Variants in ADAMTS17 observed in about 807,000 individuals in gnomAD.
ADAMTS17 encodes ADAM metallopeptidase with thrombospondin type 1 motif 17, also known as A disintegrin and metalloproteinase with thrombospondin motifs 17.
Under a neutral mutation model 141.5 loss-of-function variants are expected in ADAMTS17, and 113 were observed. The observed-to-expected ratio is 0.80, with a 90% confidence interval of 0.69 to 0.93. The LOEUF (loss-of-function observed/expected upper bound fraction) is 0.93. Among genes scored for constraint, ADAMTS17 ranks in the 40% least tolerant of loss-of-function variants. The pLI is 0.00. For missense variants in ADAMTS17, 1,659 were observed against 1,517.9 expected, an observed-to-expected ratio of 1.09 and a Z score of -1.54; for synonymous variants, 768 against 630.6, an observed-to-expected ratio of 1.22 and a Z score of -3.27.
chr15:100,319,581 C>T (rs993596966), intron 3 of ADAMTS17, among the ~76,000 whole-genome samples: 6 of 152,026 alleles, frequency 3.9e-5, no homozygotes, highest in African/African-American at 7.2e-5. Context: ...CATGGTGGCA[C>T]GCACCTGTAG....
chr15:100,205,815 G>A (rs151012290), intron 7 of ADAMTS17, among the ~76,000 whole-genome samples: 2 of 152,312 alleles, frequency 1.3e-5, no homozygotes, highest in Admixed American at 1.3e-4. Context: ...AGAGACAAAG[G>A]CGGTAGAAAG....
At chr15:100,309,869 T>C (rs1418527326) in intron 3 of ADAMTS17, among the ~76,000 whole-genome samples, 1 of 152,088 alleles carries the variant, frequency 6.6e-6, no homozygotes, top group East Asian at 1.9e-4. Flanking sequence ...CCAACGCCTG[T>C]ACACACGTGA....
chr15:100,128,628 G>T (rs1212435789), intron 12 of ADAMTS17: 1 of 152,202 alleles, frequency 6.6e-6, no homozygotes, highest in Non-Finnish European at 1.5e-5. Flanking sequence ...GAAGAAGAGT[G>T]AAAGATTTTC....
chr15:100,071,706 C>A (rs2033983965), intron 15 of ADAMTS17, among the ~76,000 whole-genome samples: 1 of 150,400 alleles, frequency 6.6e-6, no homozygotes, highest in South Asian at 2.1e-4. Context: ...CAAAATTCAA[C>A]AACTCTTCAT....
At chr15:100,085,339 T>C (rs1330044711) in intron 15 of ADAMTS17, among the ~76,000 whole-genome samples, 2 of 145,370 alleles carry the variant, frequency 1.4e-5, no homozygotes, top group Non-Finnish European at 3.0e-5. Flanking sequence ...AATATGGGAC[T>C]ATGTGAAAAG....
At chr15:100,234,333 T>C (rs1249989829) in intron 7 of ADAMTS17, among the ~76,000 whole-genome samples, 2 of 152,180 alleles carry the variant, frequency 1.3e-5, no homozygotes, top group Non-Finnish European at 2.9e-5. Context: ...TTTACGTTCG[T>C]TCCACATTTG....
intron 8 of ADAMTS17, among the ~76,000 whole-genome samples, chr15:100,198,119 C>G (rs1002236848): frequency 6.6e-6 from 1 of 152,066 alleles, no homozygotes; most frequent in Non-Finnish European, 1.5e-5. Context: ...ACGTATATAC[C>G]TATGTAACAA....
chr15:100,208,891 C>T (rs2041682662), intron 7 of ADAMTS17, among the ~76,000 whole-genome samples: 1 of 152,108 alleles, frequency 6.6e-6, no homozygotes, highest in South Asian at 2.1e-4. Context: ...TCAAAGTCTG[C>T]TTTCACCTGC....
chr15:100,181,100 C>T (rs2040508759), intron 8 of ADAMTS17, among the ~76,000 whole-genome samples: 1 of 152,206 alleles, frequency 6.6e-6, no homozygotes, highest in Non-Finnish European at 1.5e-5. Flanking sequence ...ACCGCCACCA[C>T]ACAAGGCCCA....
rs1428351020 is a variant in ADAMTS17, at chr15:100,070,388, G to A, written c.2138-16334C>T. Among the ~76,000 whole-genome samples, 22 of 149,810 alleles carry A rather than the reference G, an allele frequency of 1.5e-4. 1 individual carries two copies. The South Asian group carries it at 4.6e-3, about 32-fold the overall frequency. ...AATTGAACTCAGCTCTGCACCAAGT[G>A]GACCTAATAGACATCTATAGAACTC... On this transcript the variant is annotated intron_variant, in intron 15 of 21. Transcript: ENST00000268070.
chr15:100,175,749 T>C (rs1020076985), intron 8 of ADAMTS17, among the ~76,000 whole-genome samples: 2 of 151,940 alleles, frequency 1.3e-5, no homozygotes, highest in Non-Finnish European at 2.9e-5. Flanking sequence ...AACTCCAGCT[T>C]GTGGTGACCT....
At chr15:100,223,170 G>A (rs1335973270) in intron 7 of ADAMTS17, among the ~76,000 whole-genome samples, 1 of 152,160 alleles carries the variant, frequency 6.6e-6, no homozygotes, top group Admixed American at 6.5e-5. Context: ...GAGACAAAAG[G>A]ACATGGTGGG....
intron 14 of ADAMTS17, among the ~76,000 whole-genome samples, chr15:100,097,648 C>T (rs552793451): frequency 1.3e-5 from 2 of 152,358 alleles, no homozygotes; most frequent in African/African-American, 4.8e-5. Context: ...GCATCGGCCT[C>T]ATGGGGAGGG....
intron 20 of ADAMTS17, chr15:99,976,705 G>C (rs2060340091): frequency 4.1e-6 from 1 of 242,548 alleles, no homozygotes; most frequent in South Asian, 5.6e-5. Flanking sequence ...CACCGTGAGA[G>C]GATACCGTGG....
chr15:100,063,840 A>G (rs956260852), intron 15 of ADAMTS17: 13 of 995,136 alleles, frequency 1.3e-5, no homozygotes, highest in Non-Finnish European at 1.5e-5. Context: ...GCCAAAATCT[A>G]GCTACCAAGC....
chr15:100,040,365 C>T (rs906678939), intron 18 of ADAMTS17, among the ~76,000 whole-genome samples: 2 of 152,178 alleles, frequency 1.3e-5, no homozygotes, highest in Non-Finnish European at 2.9e-5. Context: ...TCTGAGAGAT[C>T]GCTTTGTAAT....
intron 15 of ADAMTS17, among the ~76,000 whole-genome samples, chr15:100,076,379 A>G (rs1157712974): frequency 1.3e-5 from 2 of 152,162 alleles, no homozygotes; most frequent in Non-Finnish European, 2.9e-5. Context: ...CTGTTGATCA[A>G]TTTCTGAAAT....
chr15:100,009,472 C>T (rs1454012339), intron 18 of ADAMTS17, among the ~76,000 whole-genome samples: 2 of 152,158 alleles, frequency 1.3e-5, no homozygotes, highest in African/African-American at 2.4e-5. Flanking sequence ...AAGTCCTCAC[C>T]CCACTGACTC....
chr15:100,292,366 T>TC, intron 3 of ADAMTS17, among the ~76,000 whole-genome samples: 1 of 146,892 alleles, frequency 6.8e-6, no homozygotes. Context: ...CCGTGTGAAA[T>TC]TACGAGAGAT....
Sources: gnomAD v4.1 joint callset for allele counts (sites outside exome capture counted in the v4.1 genomes callset) on GRCh38, gnomAD v4.1.1 for gene constraint, MANE v1.5 for transcripts, NCBI Gene and HGNC (gene_info 2026-07-23, HGNC 2026-07-21) for gene names.